The following CFAP99 variants were observed in gnomAD, a reference collection of about 807,000 sequenced individuals.
CFAP99 encodes the protein cilia- and flagella-associated protein 99.
In CFAP99, 84 loss-of-function variants were observed where a neutral mutation model predicts 82.7. The ratio of observed to expected loss-of-function variants is 1.02; its 90% CI spans 0.85 to 1.22. The LOEUF is 1.22. Ranked by LOEUF, CFAP99 falls within the 50% of genes most tolerant of loss-of-function variation. CFAP99 has a pLI of 0.00. For missense variants in CFAP99, 1,059 were observed against 983.5 expected, an observed-to-expected ratio of 1.08 and a Z score of -1.03; for synonymous variants, 456 against 429.5, an observed-to-expected ratio of 1.06 and a Z score of -0.76.
At chr4:2,449,854 G>A (rs1734260410) in intron 7 of CFAP99, 80 bp from the exon 8 acceptor site, 3 of 1,529,178 alleles carry the variant, frequency 2.0e-6, no homozygotes, top group East Asian at 2.4e-5. Flanking sequence ...GGGGAGGCTG[G>A]GTGGAAGTTC....
chr4:2,452,341 G>C, exon 11 of CFAP99: 1 of 1,534,228 alleles, frequency 6.5e-7, no homozygotes, highest in Non-Finnish European at 8.7e-7. Context: ...GCAGCAGAAG[G>C]AGCAGGTGGG....
intron 11 of CFAP99, among the ~76,000 whole-genome samples, chr4:2,457,208 G>T (rs1407110605): frequency 6.6e-6 from 1 of 152,068 alleles, no homozygotes; most frequent in African/African-American, 2.4e-5. Context: ...TTCCCCACGC[G>T]CTGGGATTAC....
intron 2 of CFAP99, among the ~76,000 whole-genome samples, chr4:2,432,833 G>T (rs1401674515): frequency 6.6e-6 from 1 of 152,224 alleles, no homozygotes; most frequent in African/African-American, 2.4e-5. Flanking sequence ...ACTGAGGCTG[G>T]TTCCCCATTA....
rs898555505 is a variant in CFAP99 at position 2,452,252 on chromosome 4, G to A, written c.1067G>A (p.Arg356Gln). The change falls in exon 11 of 15, where the codon CGG becomes CAG. Residue 356 changes from arginine to glutamine, a missense_variant. Coordinates refer to ENST00000635017, the Ensembl canonical transcript of CFAP99. ...CAGCTGGCTGCAAGCGAGTGCCGGCGGTTGCAAGGGAAGCTTAGCCATGAG... is the reference window on the plus strand; with the variant it reads ...CAGCTGGCTGCAAGCGAGTGCCGGCAGTTGCAAGGGAAGCTTAGCCATGAG... 1.0e-5 allele frequency: 16 copies of A among 1,535,950 alleles called. No homozygotes were observed. The highest frequency in any genetic ancestry group is 8.2e-5 in the African/African-American group (6 of 73,032).
intron 11 of CFAP99, among the ~76,000 whole-genome samples, chr4:2,455,031 C>T (rs1036878335): frequency 8.5e-5 from 13 of 152,176 alleles, no homozygotes; most frequent in African/African-American, 2.9e-4. Context: ...ACCATCCTCC[C>T]ATCTCAGCCT....
chr4:2,441,979 A>G (rs1369987190), intron 4 of CFAP99, among the ~76,000 whole-genome samples: 1 of 152,196 alleles, frequency 6.6e-6, no homozygotes, highest in Non-Finnish European at 1.5e-5. Context: ...CCACAGCTCC[A>G]GGGAATCTGC....
intron 2 of CFAP99, 70 bp from the exon 3 acceptor site, chr4:2,436,804 T>G: frequency 7.8e-7 from 1 of 1,276,604 alleles, no homozygotes; most frequent in African/African-American, 1.5e-5. Flanking sequence ...TTTGCCCAAG[T>G]GTCCCACCCC....
chr4:2,445,769 A>G (rs1734149436), intron 6 of CFAP99, among the ~76,000 whole-genome samples: 1 of 152,222 alleles, frequency 6.6e-6, no homozygotes, highest in South Asian at 2.1e-4. Flanking sequence ...AAATAACAGA[A>G]AAATGCAGTT....
intron 2 of CFAP99, among the ~76,000 whole-genome samples, chr4:2,436,515 T>C (rs980273025): frequency 2.0e-5 from 3 of 152,234 alleles, no homozygotes; most frequent in African/African-American, 4.8e-5. Flanking sequence ...TGAAGCTCTG[T>C]CTGCATTAGG....
At chr4:2,421,006 T>A (rs73074356) in intron 1 of CFAP99, among the ~76,000 whole-genome samples, 6,755 of 152,248 alleles carry the variant, frequency 0.044, 522 homozygotes, top group African/African-American at 0.15. Context: ...CATCTTTCAA[T>A]TGGGCAGCAG....
chr4:2,457,877 G>A (rs1286248524), intron 11 of CFAP99, among the ~76,000 whole-genome samples: 2 of 152,220 alleles, frequency 1.3e-5, no homozygotes, highest in East Asian at 3.9e-4. Context: ...AGGTGGGCGT[G>A]GCCATCTTCA....
chr4:2,444,302 T>C (rs1241510278), intron 5 of CFAP99, among the ~76,000 whole-genome samples: 1 of 152,158 alleles, frequency 6.6e-6, no homozygotes, highest in African/African-American at 2.4e-5. Flanking sequence ...TGAGCCCCTC[T>C]TCCTGCGCCA....
intron 11 of CFAP99, among the ~76,000 whole-genome samples, chr4:2,454,594 G>GTTTTTTTTTTGTTTTTTTTTTTTT (rs1734383492): frequency 2.4e-5 from 2 of 84,538 alleles, no homozygotes; most frequent in Non-Finnish European, 4.9e-5. Flanking sequence ...TTTTTTTTTT[G>GTTTTTTTTTTGTTTTTTTTTTTTT]TTTTTTTTTT....
At position 2,462,155 on chromosome 4, in the gene CFAP99, TCAAA is replaced by T. The variant is rs564490617; in HGVS notation, c.1662-272_1662-269del. On this transcript the variant is annotated intron_variant, in intron 14 of 14. Coordinates refer to ENST00000635017, the Ensembl canonical transcript of CFAP99. This position sits in a 1 kb window ranked among gnomAD's most constrained non-coding sequence, Gnocchi z 4.1. ...CTGGGCGACAGAGTGAGACCCTGCC[TCAAA>T]CAAACAAACAAACAACAACAACAAA... The T allele has an allele frequency of 3.9e-4, 103 of 263,556 alleles. 1 individual carries two copies. Among genetic ancestry groups the T allele is most frequent in the Middle Eastern group, 3.3e-3 (3 of 916 alleles). The allele number at this position is 263,556 out of a possible 1,614,324, so 16.3% of individuals were successfully genotyped here.
In CFAP99 at chr4:2,451,372, C is replaced by G; in HGVS notation, c.956+20C>G. 1 of 1,532,914 alleles carries G rather than the reference C, an allele frequency of 6.5e-7. No homozygotes were observed. The highest frequency in any genetic ancestry group is 2.4e-5 in the East Asian group (1 of 40,906). 95.0% of individuals were successfully genotyped at this position (1,532,914 alleles called of 1,614,324 possible). A position where few individuals can be genotyped will look rare whatever the true frequency, so the allele number is the denominator to read the frequency against. On this transcript the variant is annotated intron_variant, in intron 10 of 14. Transcript: ENST00000635017. The stretch of plus-strand genomic sequence containing the variant: ...GCAGAGGTGAAGGGCGGCAGGCCCC[C>G]CCACCTGCCTTCCACGGCATCACCC...
chr4:2,459,092 G>C lies in CFAP99; in HGVS notation c.1304-15G>C. Reference sequence around the variant, plus strand: ...CCACCCACCAGCCACCTCAGCTCCTGGCTTGGCCCCCAAGTTCAGGAGGCG... The same window carrying C: ...CCACCCACCAGCCACCTCAGCTCCTCGCTTGGCCCCCAAGTTCAGGAGGCG... On this transcript the variant is annotated splice_polypyrimidine_tract_variant and intron_variant, in intron 12 of 14. Coordinates refer to ENST00000635017, the Ensembl canonical transcript of CFAP99. 1 of 1,501,454 alleles carries C rather than the reference G, an allele frequency of 6.7e-7. No homozygotes were observed. Among genetic ancestry groups the C allele is most frequent in the Non-Finnish European group, 8.9e-7 (1 of 1,127,890 alleles). 93.0% of individuals were successfully genotyped at this position (1,501,454 alleles called of 1,614,324 possible).
chr4:2,459,945 G>A lies in CFAP99; in HGVS notation c.1456-92G>A, dbSNP rs180686518. The A allele has an allele frequency of 1.1e-5, 13 of 1,151,478 alleles. No individual in the cohort carries two copies. In the African/African-American group the frequency reaches 1.8e-4, roughly 16 times the overall value. 71.3% of individuals were successfully genotyped at this position (1,151,478 alleles called of 1,614,324 possible). A position where few individuals can be genotyped will look rare whatever the true frequency, so the allele number is the denominator to read the frequency against. Reference sequence around the variant, plus strand: ...TTGAAGCAGAGGGAAGGTGGGCAAGGGGTGGGCCTATGGAACAGGGGAGGG... The same window carrying A: ...TTGAAGCAGAGGGAAGGTGGGCAAGAGGTGGGCCTATGGAACAGGGGAGGG... On this transcript the variant is annotated intron_variant, in intron 13 of 14. Transcript: ENST00000635017.
chr4:2,436,236 T>G (rs1345473944), intron 2 of CFAP99, among the ~76,000 whole-genome samples: 1 of 152,138 alleles, frequency 6.6e-6, no homozygotes, highest in Admixed American at 6.6e-5. Context: ...ACTCCAGGCA[T>G]GCACCACCAT....
intron 2 of CFAP99, among the ~76,000 whole-genome samples, chr4:2,431,508 TC>T (rs1733801031): frequency 6.6e-6 from 1 of 152,180 alleles, no homozygotes; most frequent in African/African-American, 2.4e-5. Context: ...TGACCACCTG[TC>T]CCTTTGCATC....
Sources: gnomAD v4.1 joint callset for allele counts (sites outside exome capture counted in the v4.1 genomes callset) on GRCh38, gnomAD v4.1.1 for gene constraint, Gnocchi (gnomAD v3.1) non-coding constraint, MANE v1.5 for transcripts, NCBI Gene and HGNC (gene_info 2026-07-23, HGNC 2026-07-21) for gene names.